TGIF2: variants seen among roughly 807,000 people sequenced by gnomAD.
TGIF2 encodes TGFB induced factor homeobox 2.
In TGIF2, 5 loss-of-function variants were observed where a neutral mutation model predicts 15.1. That is an observed-to-expected ratio of 0.33 (90% CI 0.17 to 0.70). The LOEUF is 0.70. TGIF2 is among the 30% of genes least tolerant of loss of function. The pLI, the probability that TGIF2 is intolerant of heterozygous loss-of-function variation, is 0.67. For missense variants in TGIF2, 264 were observed against 302.5 expected (o/e 0.87, Z 0.94); for synonymous variants, 131 against 128.9 (o/e 1.02, Z -0.11).
chr20:36,586,716 C>G (rs2038667674), intron 2 of TGIF2, among the ~76,000 whole-genome samples: 1 of 125,784 alleles, frequency 8.0e-6, no homozygotes, highest in South Asian at 2.9e-4. Context: ...AAAAAAAAAT[C>G]TCCCCTAAGG....
At chr20:36,574,704 G>A (rs2038384737) in intron 1 of TGIF2, 1 of 152,364 alleles carries the variant, frequency 6.6e-6, no homozygotes, top group Admixed American at 6.5e-5. Context: ...CTGGTGCGCG[G>A]AGTCGGCCCG....
intron 2 of TGIF2, among the ~76,000 whole-genome samples, chr20:36,582,524 C>G (rs1291826712): frequency 6.6e-6 from 1 of 152,182 alleles, no homozygotes; most frequent in Admixed American, 6.5e-5. Flanking sequence ...AAGGCACAGA[C>G]TCAGCAGAGT....
intron 2 of TGIF2, among the ~76,000 whole-genome samples, chr20:36,580,852 C>T (rs977171859): frequency 7.5e-5 from 11 of 145,912 alleles, no homozygotes; most frequent in Non-Finnish European, 1.0e-4. Flanking sequence ...AGGCCAGGCA[C>T]GGTGGCTCAC....
At chr20:36,585,974 G>A (rs6015994) in intron 2 of TGIF2, among the ~76,000 whole-genome samples, 3,899 of 152,252 alleles carry the variant, frequency 0.026, 171 homozygotes, top group African/African-American at 0.088. Flanking sequence ...AGCCCATACC[G>A]GGGCAGGGGC....
intron 1 of TGIF2, among the ~76,000 whole-genome samples, chr20:36,576,557 G>T (rs562273984): frequency 6.6e-6 from 1 of 152,022 alleles, no homozygotes; most frequent in African/African-American, 2.4e-5. Flanking sequence ...GTCCAAATCC[G>T]ACTTCACTAT....
chr20:36,588,845 G>A (rs1220629555), intron 2 of TGIF2, among the ~76,000 whole-genome samples: 2 of 152,162 alleles, frequency 1.3e-5, no homozygotes, highest in East Asian at 3.9e-4. Context: ...CCTAGAGTGT[G>A]AAATTTCAGT....
intron 2 of TGIF2, among the ~76,000 whole-genome samples, chr20:36,582,781 G>T (rs1237029973): frequency 6.6e-6 from 1 of 152,180 alleles, no homozygotes; most frequent in African/African-American, 2.4e-5. Context: ...CTCCTTGATG[G>T]AAACTGACCA....
chr20:36,585,621 C>T, intron 2 of TGIF2, among the ~76,000 whole-genome samples: 1 of 152,140 alleles, frequency 6.6e-6, no homozygotes, highest in East Asian at 1.9e-4. Context: ...CTTTAACCCT[C>T]CCAGGAGCGA....
At position 36,591,720 on chromosome 20, in the gene TGIF2, G is replaced by GA; in HGVS notation, c.*290dup. The GA allele has an allele frequency of 3.3e-6, 1 of 304,994 alleles. No individual in the cohort carries two copies. Among genetic ancestry groups the GA allele is most frequent in the Non-Finnish European group, 6.2e-6 (1 of 162,472 alleles). 18.9% of individuals were successfully genotyped at this position (304,994 alleles called of 1,614,324 possible). ...TGCTGCTTCTCCAGAAAATCCCTGG[G>GA]ACACCTTTGTTCCAGCCTGGTTTCC... On this transcript the variant is annotated 3_prime_UTR_variant, in exon 3 of 3. Transcript: ENST00000373872. The surrounding 1 kb of genome is among the most constrained non-coding windows in gnomAD (Gnocchi z 5.3).
At chr20:36,578,407 T>A (rs2038475065) in intron 1 of TGIF2, among the ~76,000 whole-genome samples, 1 of 144,592 alleles carries the variant, frequency 6.9e-6, no homozygotes. Context: ...AGTGAGAGCC[T>A]CTCTCAAAAA....
intron 2 of TGIF2, among the ~76,000 whole-genome samples, chr20:36,579,922 C>T (rs754088363): frequency 2.6e-5 from 4 of 152,166 alleles, no homozygotes; most frequent in Non-Finnish European, 4.4e-5. Flanking sequence ...TTGAATCGCG[C>T]CTATTGCTGA....
intron 2 of TGIF2, among the ~76,000 whole-genome samples, chr20:36,590,241 G>A (rs192632938): frequency 6.6e-6 from 1 of 152,214 alleles, no homozygotes; most frequent in South Asian, 2.1e-4. Flanking sequence ...ACAGGTGTGA[G>A]CCACCGTGCC....
rs1489483155 is a variant in TGIF2 at position 36,591,042 on chromosome 20, A to G, written c.325A>G (p.Ser109Gly). Residue 109 changes from serine (S) to glycine (G), a missense_variant, in exon 3 of 3, where the codon AGC (serine) becomes GGC (glycine). By Grantham distance (56) the Ser-to-Gly change is moderately conservative (BLOSUM62 0). Transcript: ENST00000373872. The surrounding 1 kb of genome is among the most constrained non-coding windows in gnomAD (Gnocchi z 5.3). ...KASDVALPRG[S>G]SPSVLAVSVP... ...CTCAGATGTGGCCCTCCCCCGTGGC[A>G]GCAGCCCCTCAGTGCTGGCTGTGTC... The G allele has an allele frequency of 6.2e-7, 1 of 1,601,578 alleles. No individual in the cohort carries two copies. The highest frequency in any genetic ancestry group is 8.5e-7 in the Non-Finnish European group (1 of 1,170,568).
intron 2 of TGIF2, among the ~76,000 whole-genome samples, chr20:36,583,018 G>A (rs1257110317): frequency 6.6e-6 from 1 of 152,132 alleles, no homozygotes; most frequent in African/African-American, 2.4e-5. Flanking sequence ...GTTCGTGCCT[G>A]TAATTCCAGC....
intron 1 of TGIF2, among the ~76,000 whole-genome samples, chr20:36,578,536 G>A (rs985001087): frequency 6.6e-6 from 1 of 152,136 alleles, no homozygotes; most frequent in African/African-American, 2.4e-5. Flanking sequence ...GCTGCCATTC[G>A]GTAGTCACCT....
chr20:36,584,462 G>A (rs2038611636), intron 2 of TGIF2, among the ~76,000 whole-genome samples: 1 of 152,088 alleles, frequency 6.6e-6, no homozygotes, highest in East Asian at 1.9e-4. Context: ...CAACAGGCAG[G>A]ACCTCAGAAG....
At chr20:36,577,268 C>G (rs2038449705) in intron 1 of TGIF2, among the ~76,000 whole-genome samples, 1 of 152,030 alleles carries the variant, frequency 6.6e-6, no homozygotes, top group Non-Finnish European at 1.5e-5. Flanking sequence ...GCCATGATCT[C>G]AGCTCACTGC....
intron 2 of TGIF2, among the ~76,000 whole-genome samples, chr20:36,587,176 C>A (rs1040476790): frequency 1.3e-5 from 2 of 152,234 alleles, no homozygotes; most frequent in African/African-American, 4.8e-5. Context: ...GCCACTCAGT[C>A]CCCCCGCGTT....
intron 2 of TGIF2, among the ~76,000 whole-genome samples, chr20:36,590,251 C>G (rs2038742198): frequency 6.6e-6 from 1 of 152,174 alleles, no homozygotes; most frequent in African/African-American, 2.4e-5. Context: ...GCCACCGTGC[C>G]CAGCCGGGGG....
Sources: allele counts gnomAD v4.1 joint callset (sites outside exome capture counted in the v4.1 genomes callset), GRCh38; gene constraint gnomAD v4.1.1; non-coding constraint Gnocchi (gnomAD v3.1); transcripts MANE v1.5; gene names NCBI Gene and HGNC (gene_info 2026-07-23, HGNC 2026-07-21).